Variants in CNBD1 observed in about 807,000 individuals in gnomAD.
CNBD1 encodes cyclic nucleotide-binding domain-containing protein 1.
CNBD1 carries 71 observed loss-of-function variants against 54.4 expected under a neutral mutation model. The observed-to-expected ratio is 1.30, with a 90% confidence interval of 1.08 to 1.59. The LOEUF (loss-of-function observed/expected upper bound fraction) is 1.59, where lower values mean the gene tolerates loss of function less well. Ranked by LOEUF, CNBD1 falls within the 40% of genes most tolerant of loss-of-function variation. The pLI is 0.00. For missense variants in CNBD1, 659 were observed against 518.0 expected (o/e 1.27, Z -2.64); for synonymous variants, 182 against 170.7 (o/e 1.07, Z -0.51).
At chr8:86,877,838 C>T (rs868820700) in intron 1 of CNBD1, among the ~76,000 whole-genome samples, 2 of 151,850 alleles carry the variant, frequency 1.3e-5, no homozygotes, top group African/African-American at 4.8e-5. Context: ...GTATCTGCTC[C>T]CTATTTTCAT....
intron 8 of CNBD1, among the ~76,000 whole-genome samples, chr8:87,333,459 C>T (rs887373087): frequency 3.9e-5 from 6 of 152,216 alleles, no homozygotes; most frequent in Non-Finnish European, 8.8e-5. Flanking sequence ...TGCCAGCTTT[C>T]AAAGGGAATA....
At chr8:86,874,805 C>T (rs1264828475) in intron 1 of CNBD1, among the ~76,000 whole-genome samples, 1 of 151,498 alleles carries the variant, frequency 6.6e-6, no homozygotes, top group Non-Finnish European at 1.5e-5. Flanking sequence ...TCTTTTCATA[C>T]TTTCTTTGTC....
intron 4 of CNBD1, among the ~76,000 whole-genome samples, chr8:86,953,418 T>G (rs1447384393): frequency 6.6e-6 from 1 of 152,190 alleles, no homozygotes; most frequent in Non-Finnish European, 1.5e-5. Context: ...TTTGGTCACC[T>G]CTGTGATTTA....
chr8:87,000,798 CCTAG>C (rs1708115802), intron 4 of CNBD1, among the ~76,000 whole-genome samples: 2 of 151,940 alleles, frequency 1.3e-5, no homozygotes, highest in Admixed American at 1.3e-4. Flanking sequence ...TTGATGTCAC[CCTAG>C]CTATTTCTCT....
chr8:87,281,575 TATATATATATATATATATATATATA>T (rs1808602083), intron 6 of CNBD1, among the ~76,000 whole-genome samples: 1 of 53,700 alleles, frequency 1.9e-5, no homozygotes. Flanking sequence ...TATATATATA[TATATATATATATATATATATATATA>T]TAACTAATTT....
chr8:86,884,013 G>A (rs1056480442), intron 1 of CNBD1, among the ~76,000 whole-genome samples: 5 of 151,238 alleles, frequency 3.3e-5, no homozygotes, highest in South Asian at 2.1e-4. Context: ...TTAGCCGGGC[G>A]TAGTGGCGGG....
At chr8:87,144,185 G>A (rs140341052) in intron 4 of CNBD1, among the ~76,000 whole-genome samples, 4 of 152,178 alleles carry the variant, frequency 2.6e-5, no homozygotes, top group Non-Finnish European at 5.9e-5. Context: ...AGGGACAAAA[G>A]TGTTCTCCGG....
intron 4 of CNBD1, among the ~76,000 whole-genome samples, chr8:87,046,986 G>C (rs1424366705): frequency 6.6e-6 from 1 of 152,130 alleles, no homozygotes; most frequent in African/African-American, 2.4e-5. Context: ...AGTTACGCAG[G>C]GGCTGCCGCT....
At chr8:87,143,308 C>G (rs1010366424) in intron 4 of CNBD1, among the ~76,000 whole-genome samples, 1 of 152,166 alleles carries the variant, frequency 6.6e-6, no homozygotes, top group Non-Finnish European at 1.5e-5. Flanking sequence ...TTTGGGCTAA[C>G]TAACCCACCA....
At chr8:86,966,793 G>A (rs1346686571) in intron 4 of CNBD1, among the ~76,000 whole-genome samples, 1 of 152,228 alleles carries the variant, frequency 6.6e-6, no homozygotes, top group Non-Finnish European at 1.5e-5. Context: ...GCAGCAGCAA[G>A]AGTTTTTGAG....
chr8:87,357,831 G>A (rs1381664844), intron 10 of CNBD1, among the ~76,000 whole-genome samples: 2 of 152,164 alleles, frequency 1.3e-5, no homozygotes, highest in Non-Finnish European at 2.9e-5. Flanking sequence ...CAAATCTCAG[G>A]TTGAAGGGTG....
At chr8:87,189,876 G>T (rs995951828) in intron 4 of CNBD1, among the ~76,000 whole-genome samples, 1 of 152,088 alleles carries the variant, frequency 6.6e-6, no homozygotes, top group African/African-American at 2.4e-5. Flanking sequence ...GCATATTAAT[G>T]ATTAATTATT....
At chr8:87,002,357 A>G (rs906348457) in intron 4 of CNBD1, among the ~76,000 whole-genome samples, 1 of 152,182 alleles carries the variant, frequency 6.6e-6, no homozygotes, top group African/African-American at 2.4e-5. Context: ...TTTTACAACA[A>G]TTAATCAGAT....
intron 10 of CNBD1, among the ~76,000 whole-genome samples, chr8:87,354,189 G>A (rs150429447): frequency 7.3e-4 from 111 of 152,174 alleles, no homozygotes; most frequent in Non-Finnish European, 1.4e-3. Flanking sequence ...TGGGAGCCTT[G>A]TCTCATTCTC....
chr8:87,257,268 C>G (rs1393860716), intron 6 of CNBD1, among the ~76,000 whole-genome samples: 2 of 148,952 alleles, frequency 1.3e-5, no homozygotes, highest in Non-Finnish European at 3.0e-5. Context: ...ACTGGGGAGG[C>G]TGAGACAGGA....
At chr8:87,263,497 A>G (rs1030140945) in intron 6 of CNBD1, among the ~76,000 whole-genome samples, 1 of 152,208 alleles carries the variant, frequency 6.6e-6, no homozygotes, top group African/African-American at 2.4e-5. Context: ...ATGTAAATAA[A>G]TACACACAGT....
intron 6 of CNBD1, among the ~76,000 whole-genome samples, chr8:87,276,324 A>T (rs1808479398): frequency 6.6e-6 from 1 of 151,898 alleles, no homozygotes; most frequent in Non-Finnish European, 1.5e-5. Flanking sequence ...AAATATCAAA[A>T]TGAGATTCAG....
At chr8:87,272,545 G>C (rs1224923396) in intron 6 of CNBD1, among the ~76,000 whole-genome samples, 1 of 151,852 alleles carries the variant, frequency 6.6e-6, no homozygotes, top group Non-Finnish European at 1.5e-5. Flanking sequence ...GTTTTCCTTT[G>C]AATAAGACAG....
chr8:87,100,179 G>A lies in CNBD1; in HGVS notation c.432-105814G>A, dbSNP rs1287028627. On this transcript the variant is annotated intron_variant, in intron 4 of 10. Transcript: ENST00000518476. Reference sequence around the variant, plus strand: ...TAGCATCGAGCAATTTGGGGCCGTTGGTGATGCTAACAAAAGAAGTTTCAG... The same window carrying A: ...TAGCATCGAGCAATTTGGGGCCGTTAGTGATGCTAACAAAAGAAGTTTCAG... 2.6e-5 allele frequency among the ~76,000 whole-genome samples: 4 copies of A among 152,116 alleles called. No homozygotes were observed. In the East Asian group the frequency reaches 7.7e-4, roughly 29 times the overall value.
Sources: allele counts gnomAD v4.1 joint callset (sites outside exome capture counted in the v4.1 genomes callset), GRCh38; gene constraint gnomAD v4.1.1; transcripts MANE v1.5; gene names NCBI Gene and HGNC (gene_info 2026-07-23, HGNC 2026-07-21).